The following GRM8 variants were observed in gnomAD, a reference collection of about 807,000 sequenced individuals.
GRM8 encodes glutamate metabotropic receptor 8.
A neutral mutation model predicts 87.2 loss-of-function variants in GRM8; 47 were observed. The observed-to-expected ratio is 0.54, with a 90% confidence interval of 0.43 to 0.69. The LOEUF (loss-of-function observed/expected upper bound fraction) is 0.69, where lower values mean the gene tolerates loss of function less well. Among genes scored for constraint, GRM8 ranks in the 30% least tolerant of loss-of-function variants. The pLI is 0.00. For missense variants in GRM8, 1,019 were observed against 1,139.2 expected, an observed-to-expected ratio of 0.89 and a Z score of 1.52; for synonymous variants, 396 against 404.5, an observed-to-expected ratio of 0.98 and a Z score of 0.25.
At chr7:126,482,667 A>G (rs1406407828) in intron 9 of GRM8, among the ~76,000 whole-genome samples, 2 of 151,986 alleles carry the variant, frequency 1.3e-5, no homozygotes, top group Non-Finnish European at 2.9e-5. Context: ...ATATTGTTTA[A>G]TGGGTATAGA....
intron 3 of GRM8, among the ~76,000 whole-genome samples, chr7:127,020,826 T>C (rs537706480): frequency 2.6e-5 from 4 of 151,978 alleles, no homozygotes; most frequent in Non-Finnish European, 5.9e-5. Flanking sequence ...CTAATTATCA[T>C]CATAAATCAG....
intron 8 of GRM8, among the ~76,000 whole-genome samples, chr7:126,590,629 C>T (rs1444338341): frequency 1.3e-5 from 2 of 152,062 alleles, no homozygotes; most frequent in Non-Finnish European, 2.9e-5. Flanking sequence ...GGCAAAAGTG[C>T]CATGTAACCT....
intron 3 of GRM8, among the ~76,000 whole-genome samples, chr7:126,912,722 T>C (rs1166292089): frequency 1.3e-5 from 2 of 152,196 alleles, no homozygotes; most frequent in South Asian, 2.1e-4. Context: ...TGATAGGATC[T>C]TGAAGGTCAA....
intron 8 of GRM8, among the ~76,000 whole-genome samples, chr7:126,542,256 C>G (rs545481724): frequency 2.0e-5 from 3 of 152,276 alleles, no homozygotes; most frequent in Non-Finnish European, 4.4e-5. Context: ...ATTTGTATTA[C>G]TAAAGCATAG....
intron 8 of GRM8, among the ~76,000 whole-genome samples, chr7:126,573,337 T>C (rs994304765): frequency 6.6e-6 from 1 of 152,160 alleles, no homozygotes; most frequent in Non-Finnish European, 1.5e-5. Context: ...ATAAGTTGTA[T>C]ATGTGAGAAG....
intron 6 of GRM8, among the ~76,000 whole-genome samples, chr7:126,827,924 G>T (rs542884613): frequency 1.3e-5 from 2 of 152,132 alleles, no homozygotes; most frequent in Non-Finnish European, 2.9e-5. Context: ...AGCATGAAGG[G>T]TTGTTGAATT....
In GRM8 at chr7:126,665,030, T is replaced by C. The variant is rs143427396; in HGVS notation, c.1358-55532A>G. ...ATGGAAAAATGCTCAACATCATTAA[T>C]CATCAGATAAATGCAAATCAAAACT... is the stretch of plus-strand genomic sequence containing the variant. On this transcript the variant is annotated intron_variant, in intron 7 of 10. Coordinates refer to ENST00000339582, the MANE Select transcript of GRM8 (RefSeq NM_000845.3). Among the ~76,000 whole-genome samples, 187 of 152,206 alleles carry C rather than the reference T, an allele frequency of 1.2e-3. 1 individual carries two copies. Among genetic ancestry groups the C allele is most frequent in the African/African-American group, 4.2e-3 (175 of 41,556 alleles).
At chr7:127,233,939 G>A (rs1797841282) in intron 2 of GRM8, among the ~76,000 whole-genome samples, 1 of 151,916 alleles carries the variant, frequency 6.6e-6, no homozygotes, top group Non-Finnish European at 1.5e-5. Context: ...ATGTGTAGAC[G>A]CAGGTTGTGA....
intron 2 of GRM8, among the ~76,000 whole-genome samples, chr7:127,107,138 A>G (rs1339929252): frequency 6.6e-6 from 1 of 152,226 alleles, no homozygotes. Context: ...ATGCTATACA[A>G]TGACTAACAG....
intron 7 of GRM8, among the ~76,000 whole-genome samples, chr7:126,752,703 A>C (rs958991512): frequency 2.6e-5 from 4 of 152,124 alleles, no homozygotes; most frequent in African/African-American, 9.7e-5. Flanking sequence ...CCCATGACAG[A>C]AGAGAATTTA....
chr7:126,791,217 TTAC>T (rs1404120920), intron 6 of GRM8, among the ~76,000 whole-genome samples: 27 of 152,268 alleles, frequency 1.8e-4, no homozygotes, highest in Admixed American at 1.6e-3. Context: ...GAATATTACA[TTAC>T]TACATTTTTT....
intron 2 of GRM8, among the ~76,000 whole-genome samples, chr7:127,216,211 C>G (rs1015176009): frequency 6.6e-6 from 1 of 152,020 alleles, no homozygotes; most frequent in Admixed American, 6.5e-5. Context: ...GTAGAGATTG[C>G]CTGGAGCATT....
At position 126,903,775 on chromosome 7, in the gene GRM8, G is replaced by GTATATA. The variant is rs544721638; in HGVS notation, c.1018+191_1018+196dup. On this transcript the variant is annotated intron_variant, in intron 5 of 10. Coordinates refer to ENST00000339582, the MANE Select transcript of GRM8 (RefSeq NM_000845.3). ...TATGTGTATATATATATGTGTGTGT[G>GTATATA]TATATATATATATATATATATATAT... Among the ~76,000 whole-genome samples, 332 of 87,636 alleles carry GTATATA rather than the reference G, an allele frequency of 3.8e-3. 22 individuals carry two copies. Among genetic ancestry groups the GTATATA allele is most frequent in the African/African-American group, 0.011 (253 of 22,678 alleles). The allele number at this position is 87,636 out of a possible 152,430, so 57.5% of individuals were successfully genotyped here. A position where few individuals can be genotyped will look rare whatever the true frequency, so the allele number is the denominator to read the frequency against.
At chr7:126,613,363 C>T (rs1799111738) in intron 7 of GRM8, among the ~76,000 whole-genome samples, 3 of 152,128 alleles carry the variant, frequency 2.0e-5, no homozygotes, top group Middle Eastern at 3.4e-3. Flanking sequence ...GGTTTAATAA[C>T]AACACAGGTA....
At chr7:126,611,541 A>T (rs942952243) in intron 7 of GRM8, among the ~76,000 whole-genome samples, 2 of 152,216 alleles carry the variant, frequency 1.3e-5, no homozygotes, top group Non-Finnish European at 2.9e-5. Context: ...TATGTTGAGA[A>T]TTTCACATTA....
intron 2 of GRM8, among the ~76,000 whole-genome samples, chr7:127,217,236 G>A (rs922613717): frequency 1.1e-4 from 16 of 152,060 alleles, no homozygotes; most frequent in African/African-American, 3.9e-4. Context: ...TCAACTAAGT[G>A]CAAAAAATGC....
chr7:126,923,615 C>A (rs1057425311), intron 3 of GRM8, among the ~76,000 whole-genome samples: 4 of 152,100 alleles, frequency 2.6e-5, no homozygotes, highest in Non-Finnish European at 4.4e-5. Flanking sequence ...ATTCAGTGGA[C>A]AAAATGGCTT....
At chr7:126,592,800 T>C (rs1197352538) in intron 8 of GRM8, among the ~76,000 whole-genome samples, 4 of 151,846 alleles carry the variant, frequency 2.6e-5, no homozygotes, top group African/African-American at 9.7e-5. Flanking sequence ...CTGGAGGTCA[T>C]AGTCAAAGCA....
chr7:126,662,940 A>C (rs534635246), intron 7 of GRM8, among the ~76,000 whole-genome samples: 10 of 152,354 alleles, frequency 6.6e-5, no homozygotes, highest in African/African-American at 2.4e-4. Context: ...ACGAAGCTGG[A>C]CAGACAGGGA....
Sources: gnomAD v4.1 joint callset for allele counts (sites outside exome capture counted in the v4.1 genomes callset) on GRCh38, gnomAD v4.1.1 for gene constraint, MANE v1.5 for transcripts, NCBI Gene and HGNC (gene_info 2026-07-23, HGNC 2026-07-21) for gene names.